Variants in SH3D19 observed in about 807,000 individuals in gnomAD.
SH3D19 encodes SH3 domain containing 19, also known as SH3 domain-containing protein 19.
A neutral mutation model predicts 112.1 loss-of-function variants in SH3D19; 58 were observed. The observed-to-expected ratio is 0.52, with a 90% CI of 0.42 to 0.64. The LOEUF is 0.64. Among genes scored for constraint, SH3D19 ranks in the 30% least tolerant of loss-of-function variants. The pLI is 0.00. For synonymous variants in SH3D19, 391 were observed against 448.5 expected, an observed-to-expected ratio of 0.87 and a Z score of 1.62; for missense variants, 1,090 against 1,263.4, an observed-to-expected ratio of 0.86 and a Z score of 2.08.
Position 151,135,100 on chromosome 4 carries a change from T to C in SH3D19, c.2460A>G (p.Arg820=). The change falls in exon 15 of 20, where the codon AGA becomes AGG. Residue 820 remains arginine, a synonymous_variant. Transcript: ENST00000604030. The part of the protein sequence containing the change: ...IDIPEGGNGK[R]ECVSSHCVKG... ...TAACACAATGAGATGAAACACATTC[T>C]CTTTTCCCATTTCCTCCTTCTGGGA... The C allele has an allele frequency of 6.2e-7, 1 of 1,605,624 alleles. No homozygotes were observed. The highest frequency in any genetic ancestry group is 8.5e-7 in the Non-Finnish European group (1 of 1,176,344).
At chr4:151,184,862 A>G (rs1250124266) in intron 3 of SH3D19, among the ~76,000 whole-genome samples, 1 of 151,666 alleles carries the variant, frequency 6.6e-6, no homozygotes, top group Non-Finnish European at 1.5e-5. Context: ...GTGGCTTCCA[A>G]CTTCAATATT....
In SH3D19 at chr4:151,325,349, C is replaced by T; in HGVS notation, c.4G>A (p.Ala2Thr). The T allele has an allele frequency of 8.3e-7, 1 of 1,211,690 alleles. No homozygotes were observed. Among genetic ancestry groups the T allele is most frequent in the South Asian group, 4.1e-5 (1 of 24,184 alleles). The allele number at this position is 1,211,690 out of a possible 1,614,324, so 75.1% of individuals were successfully genotyped here. A position where few individuals can be genotyped will look rare whatever the true frequency, so the allele number is the denominator to read the frequency against. The change falls in exon 1 of 20, where the codon GCT (alanine) becomes ACT (threonine). Residue 2 changes from alanine (A) to threonine (T), a missense_variant. Coordinates refer to ENST00000604030, the MANE Select transcript of SH3D19 (RefSeq NM_001378122.1). M[A>T]EGRRREDEEE... ...TCGTCCTCCCGCCGCCGGCCCTCAG[C>T]CATGGGCGAGGCGCGGGGCGCAGCC... is the stretch of plus-strand genomic sequence containing the variant.
At chr4:151,181,277 T>G (rs942109992) in intron 3 of SH3D19, among the ~76,000 whole-genome samples, 4 of 152,164 alleles carry the variant, frequency 2.6e-5, no homozygotes, top group Non-Finnish European at 5.9e-5. Flanking sequence ...TCCCCCCTAT[T>G]AACTTCTGCT....
chr4:151,157,035 T>C (rs1190293441), intron 9 of SH3D19, among the ~76,000 whole-genome samples: 1 of 152,142 alleles, frequency 6.6e-6, no homozygotes, highest in African/African-American at 2.4e-5. Context: ...GACAACTGCT[T>C]GAATCCAGGA....
intron 2 of SH3D19, among the ~76,000 whole-genome samples, chr4:151,198,676 G>A (rs140605008): frequency 6.6e-6 from 1 of 151,534 alleles, no homozygotes; most frequent in African/African-American, 2.4e-5. Flanking sequence ...GAGAAATAAT[G>A]AAGCAACAAA....
rs1753443073 is a variant in SH3D19, at chr4:151,143,845, T to C, written c.2223+65A>G. 37 of 1,501,966 alleles carry C rather than the reference T, an allele frequency of 2.5e-5. No homozygotes were observed. The South Asian group carries it at 4.5e-4, about 18-fold the overall frequency. The allele number at this position is 1,501,966 out of a possible 1,614,324, so 93.0% of individuals were successfully genotyped here. On this transcript the variant is annotated intron_variant, in intron 12 of 19. Coordinates refer to ENST00000604030, the MANE Select transcript of SH3D19 (RefSeq NM_001378122.1). ...ATAAAAACCTGAAGATGAGATATAA[T>C]TAATAGTTCCATGAAATGTGCTGCT...
At chr4:151,166,133 C>G (rs994878794) in intron 7 of SH3D19, 1 of 155,802 alleles carries the variant, frequency 6.4e-6, no homozygotes, top group Non-Finnish European at 1.4e-5. Flanking sequence ...GGCCCTCACC[C>G]TACCCAGTGC....
chr4:151,238,588 T>A (rs578038110), intron 1 of SH3D19, among the ~76,000 whole-genome samples: 19 of 152,098 alleles, frequency 1.2e-4, no homozygotes, highest in Admixed American at 3.3e-4. Context: ...ACCAAAAGAC[T>A]CCTTCACGGG....
intron 1 of SH3D19, among the ~76,000 whole-genome samples, chr4:151,299,939 C>A (rs879700942): frequency 1.3e-5 from 2 of 152,160 alleles, no homozygotes; most frequent in Non-Finnish European, 2.9e-5. Flanking sequence ...TGGTGGCTCA[C>A]GCCTGTAATC....
In SH3D19 at chr4:151,188,845, A is replaced by C. The variant is rs192998223; in HGVS notation, c.153-1382T>G. Among the ~76,000 whole-genome samples the C allele has an allele frequency of 3.4e-3, 524 of 152,310 alleles. 5 individuals are homozygous for C. The highest frequency in any genetic ancestry group is 0.012 in the African/African-American group (491 of 41,566). ...ACTTCAGAATGTGATCTTACTTGAA[A>C]ATAGAGTCCATACAGATGTAATTAG... On this transcript the variant is annotated intron_variant, in intron 2 of 19. Coordinates refer to ENST00000604030, the MANE Select transcript of SH3D19 (RefSeq NM_001378122.1).
At chr4:151,153,922 T>C (rs1269751642) in intron 9 of SH3D19, among the ~76,000 whole-genome samples, 1 of 151,040 alleles carries the variant, frequency 6.6e-6, no homozygotes, top group East Asian at 2.0e-4. Flanking sequence ...TGGAAGTTGC[T>C]TCCGGACTGC....
At chr4:151,153,429 A>G (rs1397853205) in intron 9 of SH3D19, among the ~76,000 whole-genome samples, 1 of 151,340 alleles carries the variant, frequency 6.6e-6, no homozygotes, top group Non-Finnish European at 1.5e-5. Context: ...TATTTTTAGT[A>G]GAGATGGGGG....
rs1002579947 is a variant in SH3D19 at position 151,161,619 on chromosome 4, CAT to C, written c.1643-2269_1643-2268del. ...CCTCACTTTGTTTTTGTCTTTTATA[CAT>C]ATATATATATATATATATATTTTAA... On this transcript the variant is annotated intron_variant, in intron 8 of 19. Coordinates refer to ENST00000604030, the MANE Select transcript of SH3D19 (RefSeq NM_001378122.1). 7.8e-3 allele frequency among the ~76,000 whole-genome samples: 1,133 copies of C among 144,436 alleles called. 71 individuals carry two copies. Among genetic ancestry groups the C allele is most frequent in the Non-Finnish European group, 2.1e-3 (141 of 66,664 alleles). 94.8% of individuals were successfully genotyped at this position (144,436 alleles called of 152,430 possible).
chr4:151,309,618 T>A (rs1363007810), intron 1 of SH3D19, among the ~76,000 whole-genome samples: 1 of 152,204 alleles, frequency 6.6e-6, no homozygotes, highest in Non-Finnish European at 1.5e-5. Flanking sequence ...AAGGTACTCA[T>A]TACTAACCAT....
chr4:151,195,870 C>G (rs1277038172), intron 2 of SH3D19, among the ~76,000 whole-genome samples: 1 of 150,342 alleles, frequency 6.7e-6, no homozygotes, highest in Non-Finnish European at 1.5e-5. Flanking sequence ...ACAACTGACT[C>G]ATCCAGTTAC....
intron 1 of SH3D19, among the ~76,000 whole-genome samples, chr4:151,308,022 C>T (rs1729089380): frequency 6.6e-6 from 1 of 152,212 alleles, no homozygotes; most frequent in South Asian, 2.1e-4. Context: ...TTTCCTGCCT[C>T]AGCCTCCCGA....
chr4:151,141,686 A>G (rs773168636), intron 12 of SH3D19, among the ~76,000 whole-genome samples: 21 of 152,232 alleles, frequency 1.4e-4, no homozygotes, highest in Non-Finnish European at 2.9e-4. Flanking sequence ...AATGTGTTAT[A>G]CATGTGCATG....
intron 1 of SH3D19, chr4:151,262,432 T>C (rs1307838984): frequency 6.6e-6 from 1 of 152,236 alleles, no homozygotes; most frequent in Non-Finnish European, 1.5e-5. Context: ...TCATCATCAG[T>C]GAAGCTATGA....
chr4:151,232,772 CCT>C (rs1031066223), intron 1 of SH3D19, among the ~76,000 whole-genome samples: 4 of 152,168 alleles, frequency 2.6e-5, no homozygotes, highest in Admixed American at 2.6e-4. Context: ...GTCCCTGATT[CCT>C]CTCTCTCTTC....
Sources: allele counts gnomAD v4.1 joint callset (sites outside exome capture counted in the v4.1 genomes callset), GRCh38; gene constraint gnomAD v4.1.1; transcripts MANE v1.5; gene names NCBI Gene and HGNC (gene_info 2026-07-23, HGNC 2026-07-21).